Variants in DOT1L observed in about 807,000 individuals in gnomAD.
DOT1L encodes DOT1 like histone lysine methyltransferase, also known as histone-lysine N-methyltransferase, H3 lysine-79 specific.
DOT1L carries 33 observed loss-of-function variants against 153.3 expected under a neutral mutation model. The observed-to-expected ratio is 0.22, with a 90% CI of 0.16 to 0.29. The LOEUF is 0.29. Ranked by LOEUF, DOT1L falls within the 10% of genes least tolerant of loss-of-function variation. DOT1L has a pLI of 1.00. For synonymous variants in DOT1L, 1,135 were observed against 965.1 expected, an observed-to-expected ratio of 1.18 and a Z score of -3.26; for missense variants, 1,847 against 2,119.9, an observed-to-expected ratio of 0.87 and a Z score of 2.53.
rs552529763 is a variant in DOT1L, at chr19:2,207,932, G to C, written c.963+252G>C. Among the ~76,000 whole-genome samples the C allele has an allele frequency of 6.6e-6, 1 of 152,108 alleles. No homozygotes were observed. Among genetic ancestry groups the C allele is most frequent in the East Asian group, 1.9e-4 (1 of 5,158 alleles). On this transcript the variant is annotated intron_variant, in intron 11 of 27. Transcript: ENST00000398665. The surrounding 1 kb of genome is among the most constrained non-coding windows in gnomAD (Gnocchi z 4.5). ...CTGAGTGCTGTCTCCCCTAGTCTAC[G>C]CTCAGCTCCTGGGGTGGGGCGGGGC...
intron 27 of DOT1L, chr19:2,227,869 C>T (rs1204044646): frequency 1.6e-6 from 2 of 1,278,804 alleles, no homozygotes; most frequent in Non-Finnish European, 1.0e-6. Flanking sequence ...TCGGCCTCTT[C>T]CTTTCAGGCC....
Position 2,206,751 on chromosome 19 carries a change from A to G in DOT1L, c.810A>G (p.Lys270=), listed in dbSNP as rs1209500844. The G allele has an allele frequency of 6.2e-6, 10 of 1,613,774 alleles. No individual in the cohort carries two copies. The highest frequency in any genetic ancestry group is 1.3e-5 in the African/African-American group (1 of 74,870). Residue 270 remains lysine (K), a synonymous_variant, in exon 10 of 28, where the codon AAA becomes AAG. Coordinates refer to ENST00000398665, the MANE Select transcript of DOT1L (RefSeq NM_032482.3). ...CAGGTGGCAGAATCGTGTCCTCGAA[A>G]CCCTTTGCACCTCTGAACTTCAGAA... The part of the protein sequence containing the change: ...MKEGGRIVSS[K]PFAPLNFRIN...
chr19:2,169,187 A>C (rs2020036354), intron 1 of DOT1L, among the ~76,000 whole-genome samples: 1 of 152,122 alleles, frequency 6.6e-6, no homozygotes, highest in Non-Finnish European at 1.5e-5. Flanking sequence ...GCCAGCAGTG[A>C]GTAGCAGCCG....
chr19:2,225,970 C>T (rs781392462), intron 26 of DOT1L, among the ~76,000 whole-genome samples: 5 of 152,148 alleles, frequency 3.3e-5, no homozygotes, highest in Non-Finnish European at 5.9e-5. Flanking sequence ...GCCATCTCAT[C>T]CTGTGCTGTA....
At chr19:2,169,375 C>T (rs1197468906) in intron 1 of DOT1L, among the ~76,000 whole-genome samples, 1 of 152,150 alleles carries the variant, frequency 6.6e-6, no homozygotes, top group South Asian at 2.1e-4. Flanking sequence ...CCAAGTGTTC[C>T]GTTTTATAGC....
intron 1 of DOT1L, among the ~76,000 whole-genome samples, chr19:2,171,663 T>C (rs922946455): frequency 6.6e-6 from 1 of 152,086 alleles, no homozygotes; most frequent in African/African-American, 2.4e-5. Context: ...CTCCTGGGGG[T>C]AGCCCTGCTT....
In DOT1L at chr19:2,217,763, C is replaced by G; in HGVS notation, c.2545-9C>G. 1 of 1,596,946 alleles carries G rather than the reference C, an allele frequency of 6.3e-7. No homozygotes were observed. ...GACCCACGACTGGGGGTCGGGCCTTCGTCTGCAGGGCCTGAGAGAGCGCGC... is the reference window on the plus strand; with the variant it reads ...GACCCACGACTGGGGGTCGGGCCTTGGTCTGCAGGGCCTGAGAGAGCGCGC... On this transcript the variant is annotated splice_polypyrimidine_tract_variant and intron_variant, in intron 21 of 27. Transcript: ENST00000398665. The surrounding 1 kb of genome is among the most constrained non-coding windows in gnomAD (Gnocchi z 7.3).
rs1005801283 is a variant in DOT1L, at chr19:2,175,009, T to A, written c.82-5704T>A. On this transcript the variant is annotated intron_variant, in intron 1 of 27. Coordinates refer to ENST00000398665, the MANE Select transcript of DOT1L (RefSeq NM_032482.3). The stretch of plus-strand genomic sequence containing the variant: ...GTGTGTGTGTGTATATATATATTTT[T>A]TTTTTTTTAGATGGAGTCTTGCTCT... Among the ~76,000 whole-genome samples, 205 of 148,116 alleles carry A rather than the reference T, an allele frequency of 1.4e-3. 2 individuals are homozygous for A. The highest frequency in any genetic ancestry group is 2.4e-3 in the East Asian group (12 of 5,012).
At position 2,208,081 on chromosome 19, in the gene DOT1L, A is replaced by G. The variant is rs113990056; in HGVS notation, c.963+401A>G. Reference sequence around the variant, plus strand: ...AGAGGGTCCTGAGCGGGGAGACACCAGGGTCCATGGGTGGGGTCTGGGATG... The same window carrying G: ...AGAGGGTCCTGAGCGGGGAGACACCGGGGTCCATGGGTGGGGTCTGGGATG... On this transcript the variant is annotated intron_variant, in intron 11 of 27. Transcript: ENST00000398665. The surrounding 1 kb of genome is among the most constrained non-coding windows in gnomAD (Gnocchi z 4.4). Among the ~76,000 whole-genome samples, 6 of 152,204 alleles carry G rather than the reference A, an allele frequency of 3.9e-5. No individual in the cohort carries two copies. The highest frequency in any genetic ancestry group is 1.4e-4 in the African/African-American group (6 of 41,526).
chr19:2,195,146 G>T (rs940017734), intron 7 of DOT1L, among the ~76,000 whole-genome samples: 3 of 152,102 alleles, frequency 2.0e-5, no homozygotes, highest in Non-Finnish European at 4.4e-5. Context: ...TGGGTGTGGG[G>T]GTGGGAAGGG....
intron 1 of DOT1L, among the ~76,000 whole-genome samples, chr19:2,172,845 G>C (rs1426987690): frequency 6.6e-6 from 1 of 151,848 alleles, no homozygotes; most frequent in African/African-American, 2.4e-5. Context: ...TGTTGTGACA[G>C]TTCACGTATC....
At position 2,211,737 on chromosome 19, in the gene DOT1L, G is replaced by A. The variant is rs778195476; in HGVS notation, c.1466-14G>A. 12 of 1,553,870 alleles carry A rather than the reference G, an allele frequency of 7.7e-6. No individual in the cohort carries two copies. In the Admixed American group the frequency reaches 1.4e-4, roughly 18 times the overall value. On this transcript the variant is annotated splice_polypyrimidine_tract_variant and intron_variant, in intron 15 of 27. Transcript: ENST00000398665. ...GCTGCTCTCTTCTCACCTGTGTTCC[G>A]CCTCTCTTCCCAGAGTCCTTCAAGA... is the stretch of plus-strand genomic sequence containing the variant.
intron 3 of DOT1L, among the ~76,000 whole-genome samples, chr19:2,189,135 GTGACACACTGCTGACA>G (rs1309030656): frequency 2.4e-4 from 36 of 152,092 alleles, no homozygotes; most frequent in African/African-American, 6.8e-4. Context: ...CACTGCTGAC[GTGACACACTGCTGACA>G]TGACACACTG....
chr19:2,222,724 C>G lies in DOT1L; in HGVS notation c.3390+165C>G. On this transcript the variant is annotated intron_variant, in intron 24 of 27. Transcript: ENST00000398665. This position sits in a 1 kb window ranked among gnomAD's most constrained non-coding sequence, Gnocchi z 6.5. ...GACCATCCTGGCTAACACGGTGAAA[C>G]CCCGTCTCTACCAAAAATACAAAAG... The G allele has an allele frequency of 5.8e-6, 4 of 685,134 alleles. No homozygotes were observed. The South Asian group carries it at 9.1e-5, about 16-fold the overall frequency. 42.4% of individuals were successfully genotyped at this position (685,134 alleles called of 1,614,324 possible).
intron 24 of DOT1L, among the ~76,000 whole-genome samples, chr19:2,223,048 G>A (rs929496683): frequency 1.3e-5 from 2 of 152,026 alleles, no homozygotes; most frequent in African/African-American, 4.8e-5. Context: ...CGGCTGTGGG[G>A]CCTTAGTGGT....
At chr19:2,201,684 G>A (rs923758514) in intron 8 of DOT1L, among the ~76,000 whole-genome samples, 2 of 152,246 alleles carry the variant, frequency 1.3e-5, no homozygotes, top group African/African-American at 4.8e-5. Flanking sequence ...GGGACCCGCA[G>A]TGGTCAGGCC....
intron 1 of DOT1L, among the ~76,000 whole-genome samples, chr19:2,174,674 C>T (rs931420260): frequency 1.3e-4 from 19 of 151,984 alleles, no homozygotes; most frequent in African/African-American, 4.6e-4. Context: ...GGCTGGAGTG[C>T]AGTGGTGTGA....
At position 2,217,307 on chromosome 19, in the gene DOT1L, A is replaced by G. The variant is rs1200784516; in HGVS notation, c.2544+217A>G. 6.6e-6 allele frequency among the ~76,000 whole-genome samples: 1 copy of G among 152,150 alleles called. No individual in the cohort carries two copies. The highest frequency in any genetic ancestry group is 2.4e-5 in the African/African-American group (1 of 41,428). On this transcript the variant is annotated intron_variant, in intron 21 of 27. Coordinates refer to ENST00000398665, the MANE Select transcript of DOT1L (RefSeq NM_032482.3). The surrounding 1 kb of genome is among the most constrained non-coding windows in gnomAD (Gnocchi z 7.3). ...TGCCATGGAGGACATGGGGTTTGTCAGGGTGTCCCTGATGCCTCTTAGTTC... is the reference window on the plus strand; with the variant it reads ...TGCCATGGAGGACATGGGGTTTGTCGGGGTGTCCCTGATGCCTCTTAGTTC...
In DOT1L at chr19:2,206,660, C is replaced by T; in HGVS notation, c.788-69C>T. On this transcript the variant is annotated intron_variant, in intron 9 of 27. Coordinates refer to ENST00000398665, the MANE Select transcript of DOT1L (RefSeq NM_032482.3). Reference sequence around the variant, plus strand: ...TTCCGTGTCATTGTTCCTTCTCTGTCACCTTGAGTGGTGTCTGCTCTTCTG... The same window carrying T: ...TTCCGTGTCATTGTTCCTTCTCTGTTACCTTGAGTGGTGTCTGCTCTTCTG... 2.0e-6 allele frequency: 3 copies of T among 1,498,176 alleles called. No homozygotes were observed. The South Asian group carries it at 3.4e-5, about 17-fold the overall frequency. The allele number at this position is 1,498,176 out of a possible 1,614,324, so 92.8% of individuals were successfully genotyped here.
Sources: allele counts gnomAD v4.1 joint callset (sites outside exome capture counted in the v4.1 genomes callset), GRCh38; gene constraint gnomAD v4.1.1; non-coding constraint Gnocchi (gnomAD v3.1); transcripts MANE v1.5; gene names NCBI Gene and HGNC (gene_info 2026-07-23, HGNC 2026-07-21).